The following COL4A1 variants were observed in gnomAD, a reference collection of about 807,000 sequenced individuals.
COL4A1 encodes the protein collagen type IV alpha 1 chain.
COL4A1 carries 40 observed loss-of-function variants against 216.6 expected under a neutral mutation model. That is an observed-to-expected ratio of 0.18 (90% CI 0.14 to 0.24). The LOEUF is 0.24. Among genes scored for constraint, COL4A1 ranks in the 10% least tolerant of loss-of-function variants. The pLI is 1.00. For synonymous variants in COL4A1, 839 were observed against 810.7 expected (o/e 1.03, Z -0.59); for missense variants, 1,628 against 2,196.8 (o/e 0.74, Z 5.18).
At chr13:110,209,252 A>G in intron 11 of COL4A1, 140 bp downstream of exon 11, 1 of 687,802 alleles carries the variant, frequency 1.5e-6, no homozygotes, top group South Asian at 1.8e-5. Flanking sequence ...TATATGATAG[A>G]TACTTAAAGG....
intron 4 of COL4A1, 49 bp from the exon 5 acceptor site, chr13:110,212,667 A>C: frequency 1.2e-6 from 2 of 1,605,492 alleles, no homozygotes; most frequent in Middle Eastern, 2.1e-4. Context: ...GGGAAGCCTC[A>C]CTTCCTCCTC....
intron 21 of COL4A1, among the ~76,000 whole-genome samples, chr13:110,195,996 G>A (rs1356732573): frequency 6.6e-6 from 1 of 152,122 alleles, no homozygotes; most frequent in Non-Finnish European, 1.5e-5. Context: ...GGGGCTGTGG[G>A]GCCCTCCCTC....
At chr13:110,278,632 T>C (rs1325899299) in intron 1 of COL4A1, among the ~76,000 whole-genome samples, 3 of 152,226 alleles carry the variant, frequency 2.0e-5, no homozygotes, top group Non-Finnish European at 4.4e-5. Flanking sequence ...TCCCCAAGGA[T>C]ACCCATTTTC....
At chr13:110,200,280 G>A (rs1481766670) in intron 20 of COL4A1, among the ~76,000 whole-genome samples, 7 of 152,242 alleles carry the variant, frequency 4.6e-5, no homozygotes, top group Admixed American at 3.9e-4. Flanking sequence ...ACAACAGCGA[G>A]CCTCTGCAAA....
intron 1 of COL4A1, among the ~76,000 whole-genome samples, chr13:110,294,824 C>G (rs1594123984): frequency 6.6e-6 from 1 of 152,136 alleles, no homozygotes; most frequent in African/African-American, 2.4e-5. Context: ...ATGCTGAGGG[C>G]AGCAATTCTT....
chr13:110,162,201 A>C (rs369035639), intron 48 of COL4A1, 29 bp downstream of exon 48: 5 of 1,594,080 alleles, frequency 3.1e-6, no homozygotes, highest in Non-Finnish European at 4.3e-6. Flanking sequence ...CCTACACTGA[A>C]TGAATGCATG....
rs998562136 is a variant in COL4A1 at position 110,268,476 on chromosome 13, T to C, written c.85-25742A>G. Among the ~76,000 whole-genome samples, 1 of 152,176 alleles carries C rather than the reference T, an allele frequency of 6.6e-6. No homozygotes were observed. Among genetic ancestry groups the C allele is most frequent in the African/African-American group, 2.4e-5 (1 of 41,438 alleles). On this transcript the variant is annotated intron_variant, in intron 1 of 51. Transcript: ENST00000375820. The surrounding 1 kb of genome is among the most constrained non-coding windows in gnomAD (Gnocchi z 4.1). ...AGTCCAAGTGAGCTTTTAACAAAAA[T>C]GTGTCGAGTAAAAGAATGACAGTAG...
chr13:110,291,596 G>T (rs1244908130), intron 1 of COL4A1, among the ~76,000 whole-genome samples: 1 of 152,190 alleles, frequency 6.6e-6, no homozygotes, highest in African/African-American at 2.4e-5. Context: ...CCCATGTCAA[G>T]TGCTGAAAAT....
chr13:110,269,709 C>T, intron 1 of COL4A1, among the ~76,000 whole-genome samples: 1 of 151,960 alleles, frequency 6.6e-6, no homozygotes, highest in South Asian at 2.1e-4. Flanking sequence ...AGGGTAGGTG[C>T]CAGCTGACCA....
intron 43 of COL4A1, 104 bp downstream of exon 43, chr13:110,169,525 C>CATAT (rs1555302189): frequency 6.7e-7 from 1 of 1,501,636 alleles, no homozygotes; most frequent in African/African-American, 1.5e-5. Context: ...CACACACACA[C>CATAT]ATATATATAC....
chr13:110,150,674 C>A (rs1379294330), intron 51 of COL4A1, among the ~76,000 whole-genome samples: 1 of 152,224 alleles, frequency 6.6e-6, no homozygotes, highest in Admixed American at 6.5e-5. Context: ...TGGCACCTGC[C>A]CCAGTGCCCA....
Position 110,252,656 on chromosome 13 carries a change from T to TATATGTATATATACATATA in COL4A1, c.85-9941_85-9923dup, listed in dbSNP as rs1483250009. ...TATATATACTTATATACAAAATGTA[T>TATATGTATATATACATATA]ATATGTATATATACATATAATATGT... On this transcript the variant is annotated intron_variant, in intron 1 of 51. Coordinates refer to ENST00000375820, the MANE Select transcript of COL4A1 (RefSeq NM_001845.6). Among the ~76,000 whole-genome samples the TATATGTATATATACATATA allele has an allele frequency of 2.0e-4, 28 of 140,870 alleles. 3 individuals carry two copies. In the South Asian group the frequency reaches 5.1e-3, roughly 26 times the overall value. The allele number at this position is 140,870 out of a possible 152,430, so 92.4% of individuals were successfully genotyped here. A position where few individuals can be genotyped will look rare whatever the true frequency, so the allele number is the denominator to read the frequency against.
rs1325680454 is a variant in COL4A1 at position 110,253,061 on chromosome 13, TAC to T, written c.85-10329_85-10328del. Among the ~76,000 whole-genome samples, 96 of 88,874 alleles carry T rather than the reference TAC, an allele frequency of 1.1e-3. 14 individuals are homozygous for T. Among genetic ancestry groups the T allele is most frequent in the African/African-American group, 2.2e-3 (59 of 27,394 alleles). 58.3% of individuals were successfully genotyped at this position (88,874 alleles called of 152,430 possible). A position where few individuals can be genotyped will look rare whatever the true frequency, so the allele number is the denominator to read the frequency against. On this transcript the variant is annotated intron_variant, in intron 1 of 51. Coordinates refer to ENST00000375820, the MANE Select transcript of COL4A1 (RefSeq NM_001845.6). ...CATATAACTATAAGTACGTATGTAT[TAC>T]ATATACATATAACTATAAGTACGTA...
chr13:110,247,971 C>T (rs1881903995), intron 1 of COL4A1, among the ~76,000 whole-genome samples: 2 of 151,754 alleles, frequency 1.3e-5, no homozygotes, highest in Non-Finnish European at 2.9e-5. Flanking sequence ...GATTTTTTTT[C>T]CTGCTTTTGA....
At position 110,278,881 on chromosome 13, in the gene COL4A1, G is replaced by A. The variant is rs112681670; in HGVS notation, c.84+28063C>T. Among the ~76,000 whole-genome samples, 1,467 of 152,148 alleles carry A rather than the reference G, an allele frequency of 9.6e-3. 26 individuals are homozygous for A. Among genetic ancestry groups the A allele is most frequent in the African/African-American group, 0.033 (1,375 of 41,490 alleles). On this transcript the variant is annotated intron_variant, in intron 1 of 51. Transcript: ENST00000375820. ...TTAGATGTTTCAGCAGCTCAGAGGC[G>A]TCCCACACCTCCTTTTCATTTTTCT...
At chr13:110,232,909 G>A (rs1214721307) in intron 2 of COL4A1, among the ~76,000 whole-genome samples, 1 of 152,122 alleles carries the variant, frequency 6.6e-6, no homozygotes, top group Non-Finnish European at 1.5e-5. Flanking sequence ...GTCCCACAGC[G>A]CATGGCAAAA....
chr13:110,165,328 G>A lies in COL4A1; in HGVS notation c.4022-338C>T, dbSNP rs149477642. 7.4e-3 allele frequency among the ~76,000 whole-genome samples: 1,122 copies of A among 152,128 alleles called. 5 individuals carry two copies. Among genetic ancestry groups the A allele is most frequent in the Non-Finnish European group, 0.01 (708 of 67,994 alleles). Reference sequence around the variant, plus strand: ...AGCTTGTTCTTCCCAAGCAGCCCCCGCTTCTGACGTGGAGAGTGCCACTCT... The same window carrying A: ...AGCTTGTTCTTCCCAAGCAGCCCCCACTTCTGACGTGGAGAGTGCCACTCT... On this transcript the variant is annotated intron_variant, in intron 45 of 51. Transcript: ENST00000375820.
chr13:110,252,755 T>C (rs1882208360), intron 1 of COL4A1, among the ~76,000 whole-genome samples: 1 of 78,960 alleles, frequency 1.3e-5, no homozygotes, highest in African/African-American at 4.6e-5. Flanking sequence ...TACATATAAT[T>C]ATATGTATGT....
intron 28 of COL4A1, among the ~76,000 whole-genome samples, chr13:110,181,685 T>C (rs549879524): frequency 2.6e-5 from 4 of 152,188 alleles, no homozygotes; most frequent in East Asian, 1.9e-4. Flanking sequence ...AAAACAAATA[T>C]ACCCCTTGGC....
Sources: allele counts gnomAD v4.1 joint callset (sites outside exome capture counted in the v4.1 genomes callset), GRCh38; gene constraint gnomAD v4.1.1; non-coding constraint Gnocchi (gnomAD v3.1); transcripts MANE v1.5; gene names NCBI Gene and HGNC (gene_info 2026-07-23, HGNC 2026-07-21).